The following DNAH14 variants were observed in gnomAD, a reference collection of about 807,000 sequenced individuals.
DNAH14 encodes axonemal beta dynein heavy chain 14.
Under a neutral mutation model 520.9 loss-of-function variants are expected in DNAH14, and 478 were observed. That is an observed-to-expected ratio of 0.92 (90% CI 0.85 to 0.99). The LOEUF (loss-of-function observed/expected upper bound fraction) is 0.99, where lower values mean the gene tolerates loss of function less well. Ranked by LOEUF, DNAH14 falls within the 50% of genes least tolerant of loss-of-function variation. The pLI, the probability that DNAH14 is intolerant of heterozygous loss-of-function variation, is 0.00. For synonymous variants in DNAH14, 1,581 were observed against 1,757.2 expected, an observed-to-expected ratio of 0.90 and a Z score of 2.51; for missense variants, 4,831 against 5,234.5, an observed-to-expected ratio of 0.92 and a Z score of 2.38.
intron 43 of DNAH14, among the ~76,000 whole-genome samples, chr1:225,244,289 T>C (rs1040794662): frequency 6.6e-5 from 10 of 152,220 alleles, no homozygotes; most frequent in Non-Finnish European, 1.0e-4. Flanking sequence ...TCGATGTTCA[T>C]CAGGGATATT....
At position 225,266,769 on chromosome 1, in the gene DNAH14, G is replaced by A. The variant is rs2093133884; in HGVS notation, c.7539G>A (p.Lys2513=). 6.7e-7 allele frequency: 1 copy of A among 1,495,392 alleles called. No homozygotes were observed. The highest frequency in any genetic ancestry group is 1.4e-5 in the African/African-American group (1 of 69,466). 92.6% of individuals were successfully genotyped at this position (1,495,392 alleles called of 1,614,324 possible). A position where few individuals can be genotyped will look rare whatever the true frequency, so the allele number is the denominator to read the frequency against. Residue 2513 remains lysine, a splice_region_variant and synonymous_variant, in exon 49 of 86, where the codon AAG becomes AAA. Coordinates refer to ENST00000682510, the MANE Select transcript of DNAH14 (RefSeq NM_001367479.1). Reference sequence around the variant, plus strand: ...ATGATACTGAAAAAAATACATGGAAGGTACAGTATATACTAAGATTTTGTT... The same window carrying A: ...ATGATACTGAAAAAAATACATGGAAAGTACAGTATATACTAAGATTTTGTT... ...GVYDTEKNTW[K]NIQDLSIVAA...
Position 225,123,537 on chromosome 1 carries a change from C to CA in DNAH14, c.4179dup (p.Gly1394ArgfsTer3). On this transcript the variant is annotated frameshift_variant, in exon 27 of 86. Coordinates refer to ENST00000682510, the MANE Select transcript of DNAH14 (RefSeq NM_001367479.1). LOFTEE classifies it high-confidence loss of function. ...TTTTTTAATTTGTAGATTTTTAAGT[C>CA]AAGGGATTGAAGACTGGAACTGCCA... 2.4e-6 allele frequency: 1 copy of CA among 417,106 alleles called. No homozygotes were observed. The highest frequency in any genetic ancestry group is 5.0e-6 in the Non-Finnish European group (1 of 200,474). 25.8% of individuals were successfully genotyped at this position (417,106 alleles called of 1,614,324 possible). A position where few individuals can be genotyped will look rare whatever the true frequency, so the allele number is the denominator to read the frequency against.
chr1:225,048,808 A>G (rs1572692577), intron 15 of DNAH14, among the ~76,000 whole-genome samples: 1 of 152,258 alleles, frequency 6.6e-6, no homozygotes, highest in African/African-American at 2.4e-5. Context: ...TGGTTGTATC[A>G]TTTTGCATTC....
At chr1:225,215,430 G>T (rs2089166007) in intron 41 of DNAH14, among the ~76,000 whole-genome samples, 1 of 152,134 alleles carries the variant, frequency 6.6e-6, no homozygotes, top group South Asian at 2.1e-4. Flanking sequence ...GGCCTGCTTG[G>T]TGCAGAGCTG....
At chr1:224,996,338 T>TTA (rs1553367749) in intron 8 of DNAH14, among the ~76,000 whole-genome samples, 13,822 of 151,728 alleles carry the variant, frequency 0.091, 2,024 homozygotes, top group African/African-American at 0.31. Flanking sequence ...TATTATTATT[T>TTA]TTTGTGGAAA....
At position 225,394,104 on chromosome 1, in the gene DNAH14, C is replaced by G. The variant is rs746321186; in HGVS notation, c.13491+1653C>G. Reference sequence around the variant, plus strand: ...AAAGTGCTGGGATTACAGGCATGAGCCACCGCGCCCGGCCACAGCGATGTT... The same window carrying G: ...AAAGTGCTGGGATTACAGGCATGAGGCACCGCGCCCGGCCACAGCGATGTT... On this transcript the variant is annotated intron_variant, in intron 84 of 85. Coordinates refer to ENST00000682510, the MANE Select transcript of DNAH14 (RefSeq NM_001367479.1). 2.6e-5 allele frequency among the ~76,000 whole-genome samples: 4 copies of G among 152,184 alleles called. No individual in the cohort carries two copies. The East Asian group carries it at 5.8e-4, about 22-fold the overall frequency.
intron 58 of DNAH14, among the ~76,000 whole-genome samples, chr1:225,306,633 A>G (rs2094248051): frequency 6.6e-6 from 1 of 151,826 alleles, no homozygotes; most frequent in Admixed American, 6.6e-5. Context: ...ACAGTCATTC[A>G]CCCCTTTTCC....
intron 44 of DNAH14, 64 bp from the exon 45 acceptor site, chr1:225,257,896 A>G (rs2092797145): frequency 7.9e-7 from 1 of 1,273,448 alleles, no homozygotes; most frequent in Non-Finnish European, 1.1e-6. Flanking sequence ...ACAAAAAAAA[A>G]AAAAAGATGA....
At chr1:225,156,435 G>C (rs1413477041) in intron 34 of DNAH14, among the ~76,000 whole-genome samples, 2 of 152,140 alleles carry the variant, frequency 1.3e-5, no homozygotes, top group Admixed American at 1.3e-4. Flanking sequence ...TCTGGTGGTT[G>C]CCTGCATTTC....
chr1:225,294,411 A>T (rs1212636307), intron 55 of DNAH14, among the ~76,000 whole-genome samples: 1 of 152,106 alleles, frequency 6.6e-6, no homozygotes, highest in Non-Finnish European at 1.5e-5. Context: ...TTTTCATCAC[A>T]TCCTTACCTG....
intron 45 of DNAH14, 150 bp downstream of exon 45, chr1:225,258,268 A>G: frequency 1.4e-6 from 1 of 725,834 alleles, no homozygotes; most frequent in Non-Finnish European, 2.0e-6. Flanking sequence ...CCAGCAGTTT[A>G]TGAACACCCA....
chr1:225,228,902 C>T (rs1225087883), intron 41 of DNAH14, among the ~76,000 whole-genome samples: 1 of 152,124 alleles, frequency 6.6e-6, no homozygotes, highest in Non-Finnish European at 1.5e-5. Flanking sequence ...GAGCTGAAGG[C>T]AGCTGTTCTT....
At chr1:225,322,514 A>C (rs539671447) in intron 61 of DNAH14, 150 bp from the exon 62 acceptor site, 5 of 683,144 alleles carry the variant, frequency 7.3e-6, no homozygotes, top group South Asian at 5.0e-5. Context: ...TTTAAAAGAT[A>C]CCTAAGTAAT....
intron 60 of DNAH14, among the ~76,000 whole-genome samples, chr1:225,312,277 G>T (rs1574691030): frequency 6.6e-6 from 1 of 152,114 alleles, no homozygotes; most frequent in East Asian, 1.9e-4. Flanking sequence ...GAATGCTTGT[G>T]ATTTTTGCAC....
chr1:225,059,276 T>G (rs1445411327), intron 17 of DNAH14, among the ~76,000 whole-genome samples: 1 of 152,224 alleles, frequency 6.6e-6, no homozygotes, highest in Non-Finnish European at 1.5e-5. Context: ...TTTACCATTA[T>G]GTAATGGCCT....
At chr1:224,995,281 T>C (rs1239184175) in intron 8 of DNAH14, among the ~76,000 whole-genome samples, 1 of 152,180 alleles carries the variant, frequency 6.6e-6, no homozygotes, top group East Asian at 1.9e-4. Flanking sequence ...TATTTCTGCC[T>C]CATTTCTGAA....
At chr1:225,275,060 G>C (rs2093433281) in intron 52 of DNAH14, among the ~76,000 whole-genome samples, 1 of 152,130 alleles carries the variant, frequency 6.6e-6, no homozygotes, top group Non-Finnish European at 1.5e-5. Context: ...GTAAGATTAA[G>C]ATCTCACCTA....
At chr1:225,337,884 T>G (rs2095093637) in intron 67 of DNAH14, among the ~76,000 whole-genome samples, 177 bp from the exon 68 acceptor site, 1 of 152,196 alleles carries the variant, frequency 6.6e-6, no homozygotes, top group Non-Finnish European at 1.5e-5. Flanking sequence ...ATACTCTTAG[T>G]TATTTTTAAA....
chr1:225,302,235 T>C (rs2094152757), intron 56 of DNAH14, among the ~76,000 whole-genome samples: 1 of 151,488 alleles, frequency 6.6e-6, no homozygotes. Flanking sequence ...TAACATTTGA[T>C]ATATCTAGGT....
Sources: gnomAD v4.1 joint callset for allele counts (sites outside exome capture counted in the v4.1 genomes callset) on GRCh38, gnomAD v4.1.1 for gene constraint, MANE v1.5 for transcripts, NCBI Gene and HGNC (gene_info 2026-07-23, HGNC 2026-07-21) for gene names.